VWA8: variants seen among roughly 807,000 people sequenced by gnomAD.
VWA8 encodes von Willebrand factor A domain containing 8.
VWA8 carries 221 observed loss-of-function variants against 241.5 expected under a neutral mutation model. The ratio of observed to expected loss-of-function variants is 0.91; its 90% CI spans 0.82 to 1.02. The LOEUF (loss-of-function observed/expected upper bound fraction) is 1.02. Among genes scored for constraint, VWA8 ranks in the 50% least tolerant of loss-of-function variants. VWA8 has a pLI of 0.00. For missense variants in VWA8, 2,322 were observed against 2,328.7 expected (o/e 1.00, Z 0.06); for synonymous variants, 852 against 827.1 (o/e 1.03, Z -0.52).
intron 1 of VWA8, among the ~76,000 whole-genome samples, chr13:41,957,864 T>C (rs192531168): frequency 6.6e-6 from 1 of 152,276 alleles, no homozygotes; most frequent in East Asian, 1.9e-4. Flanking sequence ...AGCACCAAAA[T>C]GTCATGATAT....
At position 41,830,317 on chromosome 13, in the gene VWA8, T is replaced by TA. The variant is rs397977609; in HGVS notation, c.1700+211dup. Among the ~76,000 whole-genome samples the TA allele has an allele frequency of 1.6e-3, 228 of 146,010 alleles. 1 individual carries two copies. The highest frequency in any genetic ancestry group is 3.6e-3 in the Middle Eastern group (1 of 280). On this transcript the variant is annotated intron_variant, in intron 14 of 44. Coordinates refer to ENST00000379310, the MANE Select transcript of VWA8 (RefSeq NM_015058.2). ...AAACAGTTGATTAGGTTTTTTTTTT[T>TA]AAAAAAAAAAAGTAAGGCTGAGAGT...
intron 29 of VWA8, among the ~76,000 whole-genome samples, chr13:41,693,870 T>C (rs2137819930): frequency 6.6e-6 from 1 of 152,140 alleles, no homozygotes; most frequent in East Asian, 1.9e-4. Context: ...CTGCAAGTTA[T>C]TTGTCAGACC....
At chr13:41,917,883 C>T (rs928686720) in intron 2 of VWA8, among the ~76,000 whole-genome samples, 20 of 152,204 alleles carry the variant, frequency 1.3e-4, no homozygotes, top group Middle Eastern at 6.8e-3. Context: ...CATAACATGC[C>T]CCTGAATTTG....
At chr13:41,958,387 AG>A (rs1327815100) in intron 1 of VWA8, among the ~76,000 whole-genome samples, 1 of 152,252 alleles carries the variant, frequency 6.6e-6, no homozygotes, top group Non-Finnish European at 1.5e-5. Context: ...AAATAACAGC[AG>A]TATATAACTT....
chr13:41,596,517 A>T (rs570082549), intron 40 of VWA8, among the ~76,000 whole-genome samples: 1 of 152,018 alleles, frequency 6.6e-6, no homozygotes, highest in Non-Finnish European at 1.5e-5. Context: ...AAGGCCAAAC[A>T]TGTTCTTTGT....
At chr13:41,681,390 AT>A (rs1251643974) in intron 35 of VWA8, among the ~76,000 whole-genome samples, 2 of 152,112 alleles carry the variant, frequency 1.3e-5, no homozygotes, top group South Asian at 2.1e-4. Flanking sequence ...GTCATGAATG[AT>A]TTTTTTCTTT....
intron 37 of VWA8, among the ~76,000 whole-genome samples, chr13:41,628,474 G>C (rs954782336): frequency 6.6e-6 from 1 of 152,124 alleles, no homozygotes; most frequent in East Asian, 1.9e-4. Flanking sequence ...CATTTAAAAT[G>C]TGCATGTATG....
At chr13:41,644,735 C>T (rs2044819903) in intron 37 of VWA8, among the ~76,000 whole-genome samples, 1 of 152,198 alleles carries the variant, frequency 6.6e-6, no homozygotes, top group Admixed American at 6.5e-5. Flanking sequence ...TACTTGTTTT[C>T]ATTAATCTTT....
intron 20 of VWA8, among the ~76,000 whole-genome samples, chr13:41,772,599 CAT>C (rs1405345192): frequency 1.1e-4 from 16 of 152,306 alleles, no homozygotes; most frequent in Admixed American, 5.2e-4. Context: ...GACCCTCAAA[CAT>C]GTGTATTTTC....
intron 12 of VWA8, among the ~76,000 whole-genome samples, chr13:41,864,143 A>T (rs985620783): frequency 1.6e-4 from 17 of 108,576 alleles, no homozygotes; most frequent in Non-Finnish European, 3.1e-4. Flanking sequence ...GATGATTATA[A>T]AAAAAAAAAA....
intron 17 of VWA8, among the ~76,000 whole-genome samples, chr13:41,806,393 T>C (rs1870210842): frequency 1.3e-5 from 2 of 151,848 alleles, no homozygotes; most frequent in African/African-American, 4.8e-5. Flanking sequence ...CAGAAACAAA[T>C]AAAATTTAAA....
intron 17 of VWA8, among the ~76,000 whole-genome samples, chr13:41,805,604 G>A (rs1045758440): frequency 4.6e-5 from 7 of 151,908 alleles, no homozygotes; most frequent in Admixed American, 2.0e-4. Context: ...ACCTGAGGTT[G>A]GGAGTTTGAA....
At chr13:41,784,737 C>CATATATATATATATATATATAT (rs772223346) in intron 18 of VWA8, among the ~76,000 whole-genome samples, 2 of 72,576 alleles carry the variant, frequency 2.8e-5, no homozygotes, top group South Asian at 5.7e-4. Context: ...TATACACACA[C>CATATATATATATATATATATAT]ATATATATAT....
chr13:41,740,389 A>G (rs2045561200), intron 21 of VWA8, among the ~76,000 whole-genome samples: 2 of 152,222 alleles, frequency 1.3e-5, no homozygotes, highest in African/African-American at 4.8e-5. Context: ...ATACAAAAAT[A>G]TTTAATCCGT....
chr13:41,873,023 A>G (rs990021518), intron 9 of VWA8, among the ~76,000 whole-genome samples: 7 of 152,132 alleles, frequency 4.6e-5, no homozygotes, highest in African/African-American at 1.7e-4. Flanking sequence ...GGTCCTTCAC[A>G]TCCCTTATAA....
intron 26 of VWA8, among the ~76,000 whole-genome samples, chr13:41,705,953 A>G (rs1186503703): frequency 6.6e-6 from 1 of 152,182 alleles, no homozygotes; most frequent in African/African-American, 2.4e-5. Context: ...ATACATCCCA[A>G]ATTGGTTCTT....
At chr13:41,917,059 T>G (rs1331643302) in intron 2 of VWA8, among the ~76,000 whole-genome samples, 1 of 152,220 alleles carries the variant, frequency 6.6e-6, no homozygotes, top group Non-Finnish European at 1.5e-5. Flanking sequence ...ATTCAATTCC[T>G]AACCAATATT....
intron 37 of VWA8, among the ~76,000 whole-genome samples, chr13:41,653,157 G>C (rs547458347): frequency 1.1e-3 from 170 of 152,278 alleles, no homozygotes; most frequent in African/African-American, 3.8e-3. Flanking sequence ...AATCTTTAAT[G>C]AGATTGATAG....
intron 17 of VWA8, among the ~76,000 whole-genome samples, chr13:41,797,768 C>T (rs1376844820): frequency 2.0e-5 from 3 of 152,070 alleles, no homozygotes; most frequent in East Asian, 1.9e-4. Context: ...CTTCTTTTTA[C>T]ACCTTCACCT....
Sources: allele counts gnomAD v4.1 joint callset (sites outside exome capture counted in the v4.1 genomes callset), GRCh38; gene constraint gnomAD v4.1.1; transcripts MANE v1.5; gene names NCBI Gene and HGNC (gene_info 2026-07-23, HGNC 2026-07-21).